ERC2: variants seen among roughly 807,000 people sequenced by gnomAD.
ERC2 encodes the protein ERC protein 2.
A neutral mutation model predicts 114.8 loss-of-function variants in ERC2; 42 were observed. That is an observed-to-expected ratio of 0.37 (90% CI 0.29 to 0.47). ERC2 has a LOEUF of 0.47. ERC2 is among the 20% of genes least tolerant of loss of function. The pLI is 0.99. For synonymous variants in ERC2, 454 were observed against 425.5 expected, an observed-to-expected ratio of 1.07 and a Z score of -0.82; for missense variants, 939 against 1,150.7, an observed-to-expected ratio of 0.82 and a Z score of 2.66.
At chr3:55,943,037 A>C (rs2066903847) in intron 13 of ERC2, among the ~76,000 whole-genome samples, 1 of 152,124 alleles carries the variant, frequency 6.6e-6, no homozygotes, top group African/African-American at 2.4e-5. Flanking sequence ...CATGCACTGT[A>C]ATTTGCAGGT....
intron 10 of ERC2, chr3:56,003,002 A>G: frequency 1.1e-6 from 1 of 927,596 alleles, no homozygotes; most frequent in Non-Finnish European, 1.5e-6. Flanking sequence ...AAACTCAAAT[A>G]TTTTCAAAAC....
intron 17 of ERC2, among the ~76,000 whole-genome samples, chr3:55,610,382 G>A (rs887535099): frequency 6.6e-6 from 1 of 152,100 alleles, no homozygotes; most frequent in Non-Finnish European, 1.5e-5. Context: ...GTGAGACTGA[G>A]AGAACCACCA....
chr3:55,802,632 A>T (rs1352599784), intron 14 of ERC2, among the ~76,000 whole-genome samples: 2 of 152,224 alleles, frequency 1.3e-5, no homozygotes, highest in Non-Finnish European at 2.9e-5. Context: ...GTTTATTGAG[A>T]ATTTTAAACT....
chr3:56,090,763 G>A (rs1418341429), intron 6 of ERC2, among the ~76,000 whole-genome samples: 1 of 149,412 alleles, frequency 6.7e-6, no homozygotes, highest in African/African-American at 2.5e-5. Context: ...TGCCCGATAG[G>A]TGATTTTTCA....
chr3:56,018,188 A>G (rs2073439607), intron 8 of ERC2, among the ~76,000 whole-genome samples: 1 of 152,158 alleles, frequency 6.6e-6, no homozygotes, highest in Non-Finnish European at 1.5e-5. Context: ...TCTCCTCAAT[A>G]TAATCCACTG....
chr3:56,227,071 T>A (rs1365535048), intron 3 of ERC2, among the ~76,000 whole-genome samples: 4 of 152,106 alleles, frequency 2.6e-5, no homozygotes, highest in Admixed American at 6.6e-5. Context: ...CTCTCCCTAA[T>A]CATTCCCCCA....
intron 7 of ERC2, among the ~76,000 whole-genome samples, chr3:56,058,160 A>G (rs1267176139): frequency 6.6e-6 from 1 of 152,214 alleles, no homozygotes; most frequent in Non-Finnish European, 1.5e-5. Flanking sequence ...AAACATACTC[A>G]CAAGTTGTGA....
At chr3:56,007,081 C>T in intron 10 of ERC2, 100 bp downstream of exon 10, 1 of 1,033,580 alleles carries the variant, frequency 9.7e-7, no homozygotes, top group Non-Finnish European at 1.4e-6. Context: ...CAGACAGCAA[C>T]AGATAAGGGG....
At position 55,742,109 on chromosome 3, in the gene ERC2, C is replaced by A. The variant is rs1373564936; in HGVS notation, c.2565-7191G>T. 3.2e-3 allele frequency among the ~76,000 whole-genome samples: 475 copies of A among 147,514 alleles called. 3 individuals are homozygous for A. Among genetic ancestry groups the A allele is most frequent in the African/African-American group, 0.01 (416 of 40,170 alleles). On this transcript the variant is annotated intron_variant, in intron 14 of 17. Transcript: ENST00000288221. ...TTAGCCACCCTGAAAAAAAAAAAAACAAAACCTTCCATGGAATAAAACAAA... is the reference window on the plus strand; with the variant it reads ...TTAGCCACCCTGAAAAAAAAAAAAAAAAAACCTTCCATGGAATAAAACAAA...
At chr3:55,986,689 C>T (rs2070666041) in intron 11 of ERC2, among the ~76,000 whole-genome samples, 1 of 151,668 alleles carries the variant, frequency 6.6e-6, no homozygotes, top group Non-Finnish European at 1.5e-5. Flanking sequence ...TACGAAGTTC[C>T]GACTTCATTA....
At position 56,403,149 on chromosome 3, in the gene ERC2, GCCCTTCTTCTGTATT is replaced by G. The variant is rs2060583476; in HGVS notation, c.657+31187_657+31201del. 5.9e-5 allele frequency among the ~76,000 whole-genome samples: 9 copies of G among 152,264 alleles called. 1 individual carries two copies. The South Asian group carries it at 1.9e-3, about 32-fold the overall frequency. On this transcript the variant is annotated intron_variant, in intron 2 of 17. Coordinates refer to ENST00000288221, the MANE Select transcript of ERC2 (RefSeq NM_015576.3). ...ATCCACCTCCCCACTCAGTAGAAGT[GCCCTTCTTCTGTATT>G]CCTTATAGATGGTCATTGACTTAAA...
chr3:55,658,553 C>T (rs965478340), intron 17 of ERC2: 2 of 152,684 alleles, frequency 1.3e-5, no homozygotes, highest in Non-Finnish European at 2.9e-5. Flanking sequence ...GAAAGGAATT[C>T]CCCAGAGAAA....
At chr3:55,683,772 G>C in intron 17 of ERC2, 22 bp downstream of exon 17, 5 of 1,581,722 alleles carry the variant, frequency 3.2e-6, no homozygotes, top group South Asian at 2.2e-5. Context: ...TAATAAAAAT[G>C]ATATAAAAGA....
At chr3:55,576,713 C>T (rs981185622) in intron 17 of ERC2, among the ~76,000 whole-genome samples, 1 of 152,270 alleles carries the variant, frequency 6.6e-6, no homozygotes, top group East Asian at 1.9e-4. Context: ...ACAGCCGTCC[C>T]CTGTATCTTT....
At chr3:55,988,458 C>T (rs574082125) in intron 11 of ERC2, among the ~76,000 whole-genome samples, 3 of 152,182 alleles carry the variant, frequency 2.0e-5, no homozygotes, top group Non-Finnish European at 2.9e-5. Context: ...AAACACCACG[C>T]ACATGGAATT....
intron 3 of ERC2, among the ~76,000 whole-genome samples, chr3:56,237,312 A>G (rs929059696): frequency 1.3e-5 from 2 of 152,124 alleles, no homozygotes; most frequent in African/African-American, 4.8e-5. Flanking sequence ...AATCTTCCAT[A>G]CTCAAGCCCT....
intron 17 of ERC2, among the ~76,000 whole-genome samples, chr3:55,538,465 C>A (rs762057507): frequency 6.6e-6 from 1 of 152,204 alleles, no homozygotes; most frequent in African/African-American, 2.4e-5. Context: ...TGAGTCCTGT[C>A]CCACACTGGG....
intron 6 of ERC2, among the ~76,000 whole-genome samples, chr3:56,095,451 G>A (rs1357883525): frequency 6.6e-6 from 1 of 152,172 alleles, no homozygotes; most frequent in Non-Finnish European, 1.5e-5. Flanking sequence ...AAGGCAAAAT[G>A]TAAAATGCAG....
At position 56,434,904 on chromosome 3, in the gene ERC2, C is replaced by T; in HGVS notation, c.104G>A (p.Gly35Glu). The change falls in exon 2 of 18, where the codon GGG becomes GAG. Residue 35 changes from glycine (G) to glutamate (E), a missense_variant. By Grantham distance (98) the Gly-to-Glu change is moderately conservative. Coordinates refer to ENST00000288221, the MANE Select transcript of ERC2 (RefSeq NM_015576.3). Reference sequence around the variant, plus strand: ...AGTCTTGCCTGTTCCTCCACCTCCCCCACTACTTGTTCTTCGGTGGCCCAA... The same window carrying T: ...AGTCTTGCCTGTTCCTCCACCTCCCTCACTACTTGTTCTTCGGTGGCCCAA... ...PRLGHRRTSS[G>E]GGGGTGKTLS... 5.0e-6 allele frequency: 8 copies of T among 1,613,874 alleles called. No individual in the cohort carries two copies. The highest frequency in any genetic ancestry group is 5.9e-6 in the Non-Finnish European group (7 of 1,179,874).
Sources: gnomAD v4.1 joint callset for allele counts (sites outside exome capture counted in the v4.1 genomes callset) on GRCh38, gnomAD v4.1.1 for gene constraint, MANE v1.5 for transcripts, NCBI Gene and HGNC (gene_info 2026-07-23, HGNC 2026-07-21) for gene names.